HSD17B4: variants seen among roughly 807,000 people sequenced by gnomAD.
HSD17B4 encodes hydroxysteroid 17-beta dehydrogenase 4.
HSD17B4 carries 70 observed loss-of-function variants against 101.0 expected under a neutral mutation model. That is an observed-to-expected ratio of 0.69 (90% CI 0.57 to 0.85). HSD17B4 has a LOEUF of 0.85. Among genes scored for constraint, HSD17B4 ranks in the 40% least tolerant of loss-of-function variants. The pLI is 0.00. For missense variants in HSD17B4, 984 were observed against 892.4 expected, an observed-to-expected ratio of 1.10 and a Z score of -1.31; for synonymous variants, 347 against 297.1, an observed-to-expected ratio of 1.17 and a Z score of -1.73.
intron 22 of HSD17B4, among the ~76,000 whole-genome samples, 189 bp downstream of exon 22, chr5:119,531,593 G>C (rs182298266): frequency 6.6e-6 from 1 of 151,550 alleles, no homozygotes; most frequent in East Asian, 1.9e-4. Flanking sequence ...GTGTGTGTGT[G>C]TGTTTGTGTG....
Position 119,503,110 on chromosome 5 carries a change from GTGTGTA to G in HSD17B4, c.1261+1024_1261+1029del, listed in dbSNP as rs1278463709. ...TGTGTGTGTGTGTGTGTGTGTGTGT[GTGTGTA>G]TGTGTGCATGTATGTATGTGGTGGG... On this transcript the variant is annotated intron_variant, in intron 14 of 23. Transcript: ENST00000510025. 1.2e-4 allele frequency among the ~76,000 whole-genome samples: 18 copies of G among 150,062 alleles called. No homozygotes were observed. The South Asian group carries it at 3.9e-3, about 33-fold the overall frequency.
intron 2 of HSD17B4, among the ~76,000 whole-genome samples, chr5:119,464,123 T>A (rs866805248): frequency 2.0e-4 from 30 of 152,308 alleles, no homozygotes; most frequent in Middle Eastern, 3.4e-3. Context: ...GCAAATATTT[T>A]CTCCCATTCT....
intron 17 of HSD17B4, among the ~76,000 whole-genome samples, chr5:119,521,286 A>G (rs771050275): frequency 1.2e-4 from 18 of 152,136 alleles, no homozygotes; most frequent in Non-Finnish European, 2.5e-4. Context: ...AAGTTACTTG[A>G]TCTTTACCCT....
chr5:119,522,062 A>G (rs1470532552), intron 17 of HSD17B4, among the ~76,000 whole-genome samples: 3 of 151,908 alleles, frequency 2.0e-5, no homozygotes, highest in Admixed American at 6.6e-5. Flanking sequence ...CGTTAGGTAT[A>G]TCTCCTAATG....
intron 8 of HSD17B4, among the ~76,000 whole-genome samples, chr5:119,488,663 A>G (rs1266779197): frequency 6.6e-6 from 1 of 152,140 alleles, no homozygotes; most frequent in Non-Finnish European, 1.5e-5. Flanking sequence ...ATGCAGTGGG[A>G]AATTAGTTCT....
intron 17 of HSD17B4, among the ~76,000 whole-genome samples, chr5:119,523,488 T>C (rs1405728335): frequency 2.0e-5 from 3 of 152,174 alleles, no homozygotes; most frequent in African/African-American, 7.2e-5. Context: ...TTTTGTGTTA[T>C]GATTGAATGG....
At chr5:119,459,786 G>A (rs1209427482) in intron 2 of HSD17B4, among the ~76,000 whole-genome samples, 2 of 151,810 alleles carry the variant, frequency 1.3e-5, no homozygotes, top group African/African-American at 2.4e-5. Context: ...TTCATTACCC[G>A]ATTAATCTAT....
In HSD17B4 at chr5:119,474,406, G is replaced by T; in HGVS notation, c.226G>T (p.Val76Leu). ...GGKAVANYDS[V>L]EEGEKVVKTA... ...CAAATTTTCCTTTCCCTCAGATTCA[G>T]TGGAAGAAGGAGAGAAGGTTGTGAA... Residue 76 changes from valine (V) to leucine (L), a missense_variant, in exon 4 of 24, where the codon GTG becomes TTG. Val to Leu is a conservative substitution (Grantham distance 32). Transcript: ENST00000510025. 6.2e-7 allele frequency: 1 copy of T among 1,607,448 alleles called. No individual in the cohort carries two copies. The highest frequency in any genetic ancestry group is 1.7e-4 in the Middle Eastern group (1 of 6,042).
chr5:119,498,926 A>G (rs1022404119), intron 12 of HSD17B4, among the ~76,000 whole-genome samples: 1 of 152,146 alleles, frequency 6.6e-6, no homozygotes, highest in Non-Finnish European at 1.5e-5. Context: ...ATTTACATCC[A>G]TTAAGCAGTG....
chr5:119,526,307 T>C (rs1254223372), intron 19 of HSD17B4, among the ~76,000 whole-genome samples: 3 of 151,262 alleles, frequency 2.0e-5, no homozygotes, highest in African/African-American at 7.3e-5. Context: ...TCAGTACGTA[T>C]GCCTTGAAAA....
At chr5:119,510,093 G>A (rs751829703) in intron 16 of HSD17B4, among the ~76,000 whole-genome samples, 12 of 152,228 alleles carry the variant, frequency 7.9e-5, no homozygotes, top group African/African-American at 2.9e-4. Flanking sequence ...TTGGTAATAC[G>A]TACTTTGAAA....
chr5:119,463,632 A>G (rs1288746291), intron 2 of HSD17B4, among the ~76,000 whole-genome samples: 1 of 61,148 alleles, frequency 1.6e-5, no homozygotes, highest in Non-Finnish European at 4.1e-5. Context: ...ATTTTTTCAT[A>G]TACTTCTTGG....
Position 119,499,487 on chromosome 5 carries a change from A to G in HSD17B4, c.1143A>G (p.Ile381Met), listed in dbSNP as rs772562744. ...FSCLPTFGVI[I>M]GQKSMMGGGL... Reference sequence around the variant, plus strand: ...GTTTGCCCACCTTCGGAGTTATCATAGGTCAGAAATCTATGATGGGTGGAG... The same window carrying G: ...GTTTGCCCACCTTCGGAGTTATCATGGGTCAGAAATCTATGATGGGTGGAG... Residue 381 changes from isoleucine to methionine, a missense_variant, in exon 13 of 24, where the codon ATA (isoleucine) becomes ATG (methionine). Ile to Met is a conservative substitution (Grantham distance 10). Coordinates refer to ENST00000510025, the MANE Select transcript of HSD17B4 (RefSeq NM_000414.4). The G allele has an allele frequency of 1.7e-5, 27 of 1,613,826 alleles. No homozygotes were observed. The highest frequency in any genetic ancestry group is 2.1e-5 in the Non-Finnish European group (25 of 1,179,880).
At chr5:119,515,185 C>T in intron 17 of HSD17B4, 139 bp downstream of exon 17, 1 of 611,596 alleles carries the variant, frequency 1.6e-6, no homozygotes, top group South Asian at 2.1e-5. Context: ...AACATACAGA[C>T]ATGTTTCCTG....
chr5:119,486,177 C>T (rs1749593558), intron 8 of HSD17B4, among the ~76,000 whole-genome samples: 1 of 152,140 alleles, frequency 6.6e-6, no homozygotes, highest in African/African-American at 2.4e-5. Flanking sequence ...GAGAGGGTCA[C>T]CAAGACAGAA....
chr5:119,455,181 A>T (rs1754486414), intron 1 of HSD17B4, among the ~76,000 whole-genome samples: 1 of 152,196 alleles, frequency 6.6e-6, no homozygotes, highest in African/African-American at 2.4e-5. Flanking sequence ...ACTAATTGCC[A>T]GTTTCTAATG....
rs2126935355 is a variant in HSD17B4, at chr5:119,542,112, T to G, written c.*118T>G. On this transcript the variant is annotated 3_prime_UTR_variant, in exon 24 of 24. Transcript: ENST00000510025. ...GATGCAGGGGAAATTGCTTAACATT[T>G]TCAGATATCAGATAACTGCAGATTT... is the stretch of plus-strand genomic sequence containing the variant. 1 of 726,500 alleles carries G rather than the reference T, an allele frequency of 1.4e-6. No homozygotes were observed. The highest frequency in any genetic ancestry group is 2.7e-5 in the East Asian group (1 of 36,472). 45.0% of individuals were successfully genotyped at this position (726,500 alleles called of 1,614,324 possible). A position where few individuals can be genotyped will look rare whatever the true frequency, so the allele number is the denominator to read the frequency against.
intron 2 of HSD17B4, among the ~76,000 whole-genome samples, chr5:119,457,345 C>G (rs1754776984): frequency 6.6e-6 from 1 of 152,186 alleles, no homozygotes; most frequent in Non-Finnish European, 1.5e-5. Flanking sequence ...TCAGTTTGTT[C>G]AGGGAGACAC....
At chr5:119,513,732 C>G (rs923302227) in intron 16 of HSD17B4, among the ~76,000 whole-genome samples, 2 of 152,170 alleles carry the variant, frequency 1.3e-5, no homozygotes, top group African/African-American at 4.8e-5. Flanking sequence ...GCACTTATCA[C>G]AAGTATCACT....
Sources: gnomAD v4.1 joint callset for allele counts (sites outside exome capture counted in the v4.1 genomes callset) on GRCh38, gnomAD v4.1.1 for gene constraint, MANE v1.5 for transcripts, NCBI Gene and HGNC (gene_info 2026-07-23, HGNC 2026-07-21) for gene names.